RETREG1: variants seen among roughly 807,000 people sequenced by gnomAD.
RETREG1 encodes reticulophagy regulator 1, also known as family with sequence similarity 134 member B.
Under a neutral mutation model 54.8 loss-of-function variants are expected in RETREG1, and 44 were observed. The observed-to-expected ratio is 0.80, with a 90% confidence interval of 0.63 to 1.03. RETREG1 has a LOEUF of 1.03. Among genes scored for constraint, RETREG1 ranks in the 50% least tolerant of loss-of-function variants. The pLI, the probability that RETREG1 is intolerant of heterozygous loss-of-function variation, is 0.00. For missense variants in RETREG1, 554 were observed against 605.1 expected (o/e 0.92, Z 0.89); for synonymous variants, 217 against 238.5 (o/e 0.91, Z 0.83).
At chr5:16,523,077 C>A (rs1447535239) in intron 3 of RETREG1, among the ~76,000 whole-genome samples, 1 of 151,934 alleles carries the variant, frequency 6.6e-6, no homozygotes, top group Non-Finnish European at 1.5e-5. Flanking sequence ...AAGAAAGAAA[C>A]AACAGTGGAT....
intron 3 of RETREG1, among the ~76,000 whole-genome samples, chr5:16,502,935 A>G (rs1013569815): frequency 6.6e-6 from 1 of 152,234 alleles, no homozygotes; most frequent in Non-Finnish European, 1.5e-5. Context: ...GAATAAGGGT[A>G]AGCCCACACA....
chr5:16,514,051 C>T (rs2126571281), intron 3 of RETREG1, among the ~76,000 whole-genome samples: 2 of 152,148 alleles, frequency 1.3e-5, no homozygotes, highest in Admixed American at 1.3e-4. Context: ...TAAGATATGC[C>T]TGAATTAAAT....
chr5:16,511,972 CA>C (rs1468905521), intron 3 of RETREG1, among the ~76,000 whole-genome samples: 1 of 152,118 alleles, frequency 6.6e-6, no homozygotes, highest in Non-Finnish European at 1.5e-5. Context: ...AGTGGGGACA[CA>C]GATCCAAACC....
At chr5:16,572,136 T>C in intron 1 of RETREG1, 34 bp from the exon 2 acceptor site, 1 of 1,510,070 alleles carries the variant, frequency 6.6e-7, no homozygotes, top group East Asian at 2.3e-5. Flanking sequence ...GTATTTCAAT[T>C]TGAGGATTTT....
chr5:16,614,093 CTGTAT>C (rs1244282604), intron 1 of RETREG1, among the ~76,000 whole-genome samples: 2 of 152,202 alleles, frequency 1.3e-5, no homozygotes, highest in African/African-American at 4.8e-5. Context: ...AAGGAGAAGG[CTGTAT>C]CTAGGCTGAA....
intron 2 of RETREG1, among the ~76,000 whole-genome samples, chr5:16,570,623 G>A (rs1742147414): frequency 6.6e-6 from 1 of 152,164 alleles, no homozygotes; most frequent in Non-Finnish European, 1.5e-5. Context: ...ACATATTACT[G>A]TCTATTTAGG....
chr5:16,595,842 G>A (rs775424824), intron 1 of RETREG1, among the ~76,000 whole-genome samples: 10 of 152,274 alleles, frequency 6.6e-5, no homozygotes, highest in South Asian at 2.1e-4. Flanking sequence ...GGAAGATTAC[G>A]AGGAGATCTG....
intron 3 of RETREG1, among the ~76,000 whole-genome samples, chr5:16,519,460 G>C (rs1323147941): frequency 6.6e-6 from 1 of 152,174 alleles, no homozygotes; most frequent in African/African-American, 2.4e-5. Flanking sequence ...GCCTCATCTG[G>C]ACAGCCAGCA....
intron 1 of RETREG1, among the ~76,000 whole-genome samples, chr5:16,589,926 T>C (rs1742715078): frequency 6.6e-6 from 1 of 152,106 alleles, no homozygotes; most frequent in Non-Finnish European, 1.5e-5. Flanking sequence ...TCATCCCAGG[T>C]AGGAAAACAC....
intron 1 of RETREG1, among the ~76,000 whole-genome samples, chr5:16,596,165 T>C (rs1386439598): frequency 6.6e-6 from 1 of 152,234 alleles, no homozygotes; most frequent in Non-Finnish European, 1.5e-5. Flanking sequence ...TATGGATGCC[T>C]TCTTTTGAAA....
intron 1 of RETREG1, among the ~76,000 whole-genome samples, chr5:16,582,888 A>G (rs1742529118): frequency 6.6e-6 from 1 of 152,186 alleles, no homozygotes; most frequent in Non-Finnish European, 1.5e-5. Context: ...GTAAGCCAGC[A>G]TCTTCCCTCT....
chr5:16,505,238 T>A (rs918257797), intron 3 of RETREG1, among the ~76,000 whole-genome samples: 3 of 152,096 alleles, frequency 2.0e-5, no homozygotes, highest in Non-Finnish European at 4.4e-5. Flanking sequence ...AACTTTTCAG[T>A]CCTTACTATA....
chr5:16,511,160 G>A (rs747138424), intron 3 of RETREG1, among the ~76,000 whole-genome samples: 2 of 152,150 alleles, frequency 1.3e-5, no homozygotes, highest in South Asian at 2.1e-4. Flanking sequence ...ACTTTACAGT[G>A]GTGCAAAACA....
chr5:16,483,540 G>A, intron 3 of RETREG1, 68 bp from the exon 4 acceptor site: 6 of 1,557,610 alleles, frequency 3.9e-6, no homozygotes, highest in South Asian at 1.1e-5. Flanking sequence ...TATGGCTTTG[G>A]CAAATATTTA....
chr5:16,518,089 G>A (rs1740415430), intron 3 of RETREG1, among the ~76,000 whole-genome samples: 1 of 147,636 alleles, frequency 6.8e-6, no homozygotes, highest in African/African-American at 2.5e-5. Flanking sequence ...TACATACTAT[G>A]TATATTTATA....
chr5:16,590,003 A>T (rs913655155), intron 1 of RETREG1, among the ~76,000 whole-genome samples: 1 of 152,224 alleles, frequency 6.6e-6, no homozygotes, highest in Non-Finnish European at 1.5e-5. Flanking sequence ...GAGGATGTCC[A>T]TGCTCATGTC....
At chr5:16,571,937 T>A in intron 2 of RETREG1, 59 bp downstream of exon 2, 1 of 1,295,878 alleles carries the variant, frequency 7.7e-7, no homozygotes, top group Non-Finnish European at 1.1e-6. Context: ...TACACAAAGA[T>A]CAGAAATGCA....
chr5:16,515,986 C>T (rs1042575147), intron 3 of RETREG1, among the ~76,000 whole-genome samples: 1 of 150,544 alleles, frequency 6.6e-6, no homozygotes, highest in African/African-American at 2.5e-5. Context: ...TAACTATCTT[C>T]AGTAGATTGT....
rs562172985 is a variant in RETREG1 at position 16,561,532 on chromosome 5, AAAATAC to A, written c.458+4225_458+4230del. Among the ~76,000 whole-genome samples, 399 of 152,138 alleles carry A rather than the reference AAAATAC, an allele frequency of 2.6e-3. 2 individuals are homozygous for A. The highest frequency in any genetic ancestry group is 9.0e-3 in the African/African-American group (373 of 41,522). Reference sequence around the variant, plus strand: ...AATAATAAAATAAATAAAATAAAATAAAATACAAATACAAATAAATGGTATTTCCAG... The same window carrying A: ...AATAATAAAATAAATAAAATAAAATAAAATACAAATAAATGGTATTTCCAG... On this transcript the variant is annotated intron_variant, in intron 3 of 8. Transcript: ENST00000306320. The surrounding 1 kb of genome is among the most constrained non-coding windows in gnomAD (Gnocchi z 4.2).
Sources: gnomAD v4.1 joint callset for allele counts (sites outside exome capture counted in the v4.1 genomes callset) on GRCh38, gnomAD v4.1.1 for gene constraint, Gnocchi (gnomAD v3.1) non-coding constraint, MANE v1.5 for transcripts, NCBI Gene and HGNC (gene_info 2026-07-23, HGNC 2026-07-21) for gene names.